FAM135B: variants seen among roughly 807,000 people sequenced by gnomAD.
FAM135B encodes family with sequence similarity 135 member B, also known as protein FAM135B.
FAM135B carries 43 observed loss-of-function variants against 127.7 expected under a neutral mutation model. The observed-to-expected ratio is 0.34, with a 90% CI of 0.26 to 0.43. The LOEUF (loss-of-function observed/expected upper bound fraction) is 0.43. Ranked by LOEUF, FAM135B falls within the 20% of genes least tolerant of loss-of-function variation. The pLI is 1.00. For missense variants in FAM135B, 1,558 were observed against 1,725.6 expected (o/e 0.90, Z 1.72); for synonymous variants, 670 against 665.1 (o/e 1.01, Z -0.11).
intron 1 of FAM135B, among the ~76,000 whole-genome samples, chr8:138,410,009 A>G (rs6577921): frequency 0.39 from 58,966 of 151,984 alleles, 12,024 homozygotes; most frequent in African/African-American, 0.52. Context: ...CTAAACTGTC[A>G]TTGCATTGCC....
chr8:138,259,960 T>A (rs1224659762), intron 4 of FAM135B, among the ~76,000 whole-genome samples: 1 of 152,186 alleles, frequency 6.6e-6, no homozygotes, highest in African/African-American at 2.4e-5. Flanking sequence ...TTGCGTAGCT[T>A]CAGATTGCTT....
At chr8:138,297,052 G>A (rs910105410) in intron 3 of FAM135B, among the ~76,000 whole-genome samples, 1 of 152,118 alleles carries the variant, frequency 6.6e-6, no homozygotes, top group Non-Finnish European at 1.5e-5. Context: ...GACCCAGCCA[G>A]GCCTGGCATC....
At position 138,132,866 on chromosome 8, in the gene FAM135B, T is replaced by C; in HGVS notation, c.4016-68A>G. Reference sequence around the variant, plus strand: ...AGCAGTGGAATCTAGAGAACATCACTAGATGTGTGTCGAAATTCTGTTCCT... The same window carrying C: ...AGCAGTGGAATCTAGAGAACATCACCAGATGTGTGTCGAAATTCTGTTCCT... On this transcript the variant is annotated intron_variant, in intron 19 of 19. Transcript: ENST00000395297. This position sits in a 1 kb window ranked among gnomAD's most constrained non-coding sequence, Gnocchi z 4.5. 3.5e-6 allele frequency: 5 copies of C among 1,409,554 alleles called. No homozygotes were observed. The highest frequency in any genetic ancestry group is 5.0e-6 in the Non-Finnish European group (5 of 997,154). 87.3% of individuals were successfully genotyped at this position (1,409,554 alleles called of 1,614,324 possible).
At chr8:138,430,689 G>T (rs1835147578) in intron 1 of FAM135B, among the ~76,000 whole-genome samples, 1 of 152,148 alleles carries the variant, frequency 6.6e-6, no homozygotes, top group Non-Finnish European at 1.5e-5. Context: ...TCGAGGACGG[G>T]GGTAAAAAGA....
intron 1 of FAM135B, among the ~76,000 whole-genome samples, chr8:138,407,233 A>G (rs1193720950): frequency 1.3e-5 from 2 of 150,380 alleles, no homozygotes; most frequent in Non-Finnish European, 3.0e-5. Flanking sequence ...GAGAACTACA[A>G]ACCACTGCTC....
At chr8:138,144,724 G>T (rs980859081) in intron 15 of FAM135B, among the ~76,000 whole-genome samples, 1 of 152,246 alleles carries the variant, frequency 6.6e-6, no homozygotes, top group Non-Finnish European at 1.5e-5. Context: ...GTACTGAGTG[G>T]CCAACTCCTG....
At position 138,243,097 on chromosome 8, in the gene FAM135B, A is replaced by C; in HGVS notation, c.543-29T>G. The C allele has an allele frequency of 2.5e-6, 4 of 1,591,526 alleles. No individual in the cohort carries two copies. Among genetic ancestry groups the C allele is most frequent in the Non-Finnish European group, 3.4e-6 (4 of 1,169,484 alleles). On this transcript the variant is annotated intron_variant, in intron 6 of 19. Transcript: ENST00000395297. The surrounding 1 kb of genome is among the most constrained non-coding windows in gnomAD (Gnocchi z 7.5). ...AACAAAAGATAATTGAAAGGGTGAA[A>C]AAGGAGGTAAAGAAAGTGATGGTGC...
intron 1 of FAM135B, among the ~76,000 whole-genome samples, chr8:138,403,543 A>T (rs1046528636): frequency 3.9e-5 from 6 of 152,232 alleles, no homozygotes; most frequent in African/African-American, 1.4e-4. Flanking sequence ...TTTAATCCTT[A>T]TAACAATCTA....
At chr8:138,138,591 G>A (rs142357460) in intron 18 of FAM135B, among the ~76,000 whole-genome samples, 90 of 152,328 alleles carry the variant, frequency 5.9e-4, no homozygotes, top group African/African-American at 2.0e-3. Context: ...AATGACCCCC[G>A]TCTCCCACTG....
rs1204299938 is a variant in FAM135B at position 138,242,101 on chromosome 8, C to T, written c.669+841G>A. On this transcript the variant is annotated intron_variant, in intron 7 of 19. Transcript: ENST00000395297. The surrounding 1 kb of genome is among the most constrained non-coding windows in gnomAD (Gnocchi z 9.6). ...CACTCTTGGGTCTCCAGCTTGCTGA[C>T]TGAAGATTTGGGGGCTTCTCAGCCT... is the stretch of plus-strand genomic sequence containing the variant. Among the ~76,000 whole-genome samples, 3 of 151,548 alleles carry T rather than the reference C, an allele frequency of 2.0e-5. No homozygotes were observed. Among genetic ancestry groups the T allele is most frequent in the African/African-American group, 7.3e-5 (3 of 41,188 alleles).
At chr8:138,219,620 G>T (rs1818867480) in intron 7 of FAM135B, among the ~76,000 whole-genome samples, 1 of 152,156 alleles carries the variant, frequency 6.6e-6, no homozygotes, top group Admixed American at 6.5e-5. Flanking sequence ...TCCTCCACTA[G>T]TTAAAACAGA....
At chr8:138,199,445 T>C (rs775979112) in intron 7 of FAM135B, among the ~76,000 whole-genome samples, 3 of 152,178 alleles carry the variant, frequency 2.0e-5, no homozygotes, top group African/African-American at 4.8e-5. Flanking sequence ...CATTGCATTG[T>C]CCTGCAGGTA....
intron 1 of FAM135B, among the ~76,000 whole-genome samples, chr8:138,397,225 A>G (rs1157057): frequency 0.48 from 73,453 of 152,034 alleles, 18,463 homozygotes; most frequent in African/African-American, 0.6. Context: ...ATTCCAGGGC[A>G]CAAAACCACC....
At chr8:138,376,134 G>C (rs539801808) in intron 1 of FAM135B, among the ~76,000 whole-genome samples, 63 of 152,054 alleles carry the variant, frequency 4.1e-4, no homozygotes, top group African/African-American at 1.5e-3. Context: ...GTAGAGACAG[G>C]GTTTCACTGT....
At chr8:138,224,682 A>G (rs762859363) in intron 7 of FAM135B, among the ~76,000 whole-genome samples, 2 of 152,172 alleles carry the variant, frequency 1.3e-5, no homozygotes, top group African/African-American at 2.4e-5. Context: ...TGTCTCCCCA[A>G]AGTTCGTATG....
intron 1 of FAM135B, among the ~76,000 whole-genome samples, chr8:138,382,053 C>T (rs1317341048): frequency 1.3e-5 from 2 of 152,062 alleles, no homozygotes; most frequent in Non-Finnish European, 2.9e-5. Flanking sequence ...GGTTTGGGAT[C>T]CAATTTTGTT....
chr8:138,442,344 T>C (rs1448439640), intron 1 of FAM135B, among the ~76,000 whole-genome samples: 3 of 144,794 alleles, frequency 2.1e-5, no homozygotes, highest in African/African-American at 7.6e-5. Flanking sequence ...GTGTCTATAT[T>C]TCTGTGTTTA....
intron 2 of FAM135B, among the ~76,000 whole-genome samples, chr8:138,343,241 G>A (rs1054227671): frequency 1.3e-5 from 2 of 152,180 alleles, no homozygotes. Flanking sequence ...CTGTTCAATG[G>A]GGGAATTGGC....
intron 1 of FAM135B, among the ~76,000 whole-genome samples, chr8:138,465,178 A>C (rs1254037804): frequency 2.0e-5 from 3 of 152,250 alleles, no homozygotes; most frequent in Middle Eastern, 3.4e-3. Context: ...GTTCCAAAGT[A>C]GGGGGAAAGG....
Sources: gnomAD v4.1 joint callset for allele counts (sites outside exome capture counted in the v4.1 genomes callset) on GRCh38, gnomAD v4.1.1 for gene constraint, Gnocchi (gnomAD v3.1) non-coding constraint, MANE v1.5 for transcripts, NCBI Gene and HGNC (gene_info 2026-07-23, HGNC 2026-07-21) for gene names.